CNTN5: variants seen among roughly 807,000 people sequenced by gnomAD.
CNTN5 encodes contactin 5, also known as contactin-5.
CNTN5 carries 77 observed loss-of-function variants against 129.1 expected under a neutral mutation model. The observed-to-expected ratio is 0.60, with a 90% CI of 0.50 to 0.72. The LOEUF is 0.72. Among genes scored for constraint, CNTN5 ranks in the 30% least tolerant of loss-of-function variants. The pLI is 0.00. For missense variants in CNTN5, 1,478 were observed against 1,328.8 expected (o/e 1.11, Z -1.75); for synonymous variants, 509 against 465.6 (o/e 1.09, Z -1.20).
At chr11:99,834,027 C>A (rs928524784) in intron 4 of CNTN5, among the ~76,000 whole-genome samples, 1 of 152,178 alleles carries the variant, frequency 6.6e-6, no homozygotes, top group Admixed American at 6.5e-5. Flanking sequence ...AGTGAAAATT[C>A]TCTTCATAGT....
intron 2 of CNTN5, among the ~76,000 whole-genome samples, chr11:99,407,980 C>A (rs534979014): frequency 6.6e-6 from 1 of 152,128 alleles, no homozygotes; most frequent in African/African-American, 2.4e-5. Context: ...GTTTTTTCTA[C>A]CTGTTCAGTG....
chr11:99,992,733 T>C (rs900364916), intron 8 of CNTN5, among the ~76,000 whole-genome samples: 2 of 152,176 alleles, frequency 1.3e-5, no homozygotes, highest in African/African-American at 2.4e-5. Context: ...TAGGGAAAAG[T>C]ATCCTAGCTC....
intron 1 of CNTN5, among the ~76,000 whole-genome samples, chr11:99,203,677 C>T (rs897383798): frequency 3.3e-5 from 5 of 151,896 alleles, no homozygotes; most frequent in Admixed American, 3.3e-4. Flanking sequence ...GCAACCTCTG[C>T]CTTCTGGTTC....
chr11:100,087,080 C>T (rs1264801707), intron 13 of CNTN5, among the ~76,000 whole-genome samples: 1 of 151,486 alleles, frequency 6.6e-6, no homozygotes, highest in Non-Finnish European at 1.5e-5. Flanking sequence ...AATATTGATA[C>T]TTTCAGAGGA....
At chr11:99,700,847 G>A (rs147615758) in intron 3 of CNTN5, among the ~76,000 whole-genome samples, 1 of 151,126 alleles carries the variant, frequency 6.6e-6, no homozygotes, top group Non-Finnish European at 1.5e-5. Context: ...GGAGGATAAG[G>A]CTTCAATAAG....
At chr11:100,197,496 C>T (rs984624298) in intron 15 of CNTN5, among the ~76,000 whole-genome samples, 1 of 151,810 alleles carries the variant, frequency 6.6e-6, no homozygotes, top group Non-Finnish European at 1.5e-5. Flanking sequence ...ATCCTGTAAC[C>T]AAATAAAAGC....
intron 2 of CNTN5, among the ~76,000 whole-genome samples, chr11:99,533,580 GC>G: frequency 6.6e-6 from 1 of 152,340 alleles, no homozygotes; most frequent in South Asian, 2.1e-4. Context: ...GAAGGCTGGT[GC>G]CTGTCAGCTG....
chr11:99,656,434 G>A (rs1293441591), intron 3 of CNTN5, among the ~76,000 whole-genome samples: 2 of 152,084 alleles, frequency 1.3e-5, no homozygotes, highest in Non-Finnish European at 2.9e-5. Flanking sequence ...TCATAGAAAT[G>A]ATGATGCAAA....
chr11:100,054,995 A>G (rs963363968), intron 9 of CNTN5, among the ~76,000 whole-genome samples: 2 of 146,164 alleles, frequency 1.4e-5, no homozygotes, highest in Non-Finnish European at 3.0e-5. Context: ...ATTCTTCTAT[A>G]CTTGATTGCC....
At chr11:100,169,526 G>A (rs1289486127) in intron 13 of CNTN5, among the ~76,000 whole-genome samples, 2 of 151,932 alleles carry the variant, frequency 1.3e-5, no homozygotes, top group African/African-American at 4.8e-5. Context: ...ATTAGAACTG[G>A]CTGAAGGCTC....
intron 3 of CNTN5, among the ~76,000 whole-genome samples, chr11:99,730,137 C>G (rs1296560775): frequency 6.6e-6 from 1 of 152,144 alleles, no homozygotes; most frequent in East Asian, 1.9e-4. Flanking sequence ...TACCTGCCAT[C>G]CAGTACTTAC....
intron 9 of CNTN5, among the ~76,000 whole-genome samples, chr11:100,048,567 A>C (rs1356057997): frequency 6.6e-6 from 1 of 152,172 alleles, no homozygotes; most frequent in African/African-American, 2.4e-5. Context: ...GAATAAAAAA[A>C]GTGAAAAAAT....
At chr11:100,047,306 G>T (rs920120114) in intron 9 of CNTN5, among the ~76,000 whole-genome samples, 4 of 151,982 alleles carry the variant, frequency 2.6e-5, no homozygotes, top group Admixed American at 6.6e-5. Flanking sequence ...GGTCACAGGG[G>T]TAGGGTTAAT....
intron 1 of CNTN5, among the ~76,000 whole-genome samples, chr11:99,246,683 C>T (rs1475669774): frequency 1.3e-5 from 2 of 152,014 alleles, no homozygotes; most frequent in Non-Finnish European, 2.9e-5. Flanking sequence ...TGAGGCTTAG[C>T]ATAGAAATGC....
At chr11:99,931,902 C>G (rs1391516722) in intron 7 of CNTN5, among the ~76,000 whole-genome samples, 1 of 152,144 alleles carries the variant, frequency 6.6e-6, no homozygotes, top group Non-Finnish European at 1.5e-5. Context: ...CTAAGCTAGT[C>G]CTCCCTATCT....
Position 99,050,195 on chromosome 11 carries a change from CT to C in CNTN5, c.-210+28926del, listed in dbSNP as rs538939687. 2.3e-3 allele frequency among the ~76,000 whole-genome samples: 353 copies of C among 152,028 alleles called. 1 individual carries two copies. Among genetic ancestry groups the C allele is most frequent in the African/African-American group, 7.9e-3 (327 of 41,500 alleles). On this transcript the variant is annotated intron_variant, in intron 1 of 24. Transcript: ENST00000524871. Reference sequence around the variant, plus strand: ...AATTACTGCCAAACAAAACATCTTCCTGATGAAATGTATTGACTGACACTTC... The same window carrying C: ...AATTACTGCCAAACAAAACATCTTCCGATGAAATGTATTGACTGACACTTC...
intron 2 of CNTN5, among the ~76,000 whole-genome samples, chr11:99,502,661 C>T (rs1946469502): frequency 6.6e-6 from 1 of 152,140 alleles, no homozygotes; most frequent in Admixed American, 6.5e-5. Flanking sequence ...CAGTCTCAGG[C>T]AGTTTTTATA....
At chr11:99,699,941 A>G (rs1386629902) in intron 3 of CNTN5, among the ~76,000 whole-genome samples, 2 of 151,442 alleles carry the variant, frequency 1.3e-5, no homozygotes, top group East Asian at 1.9e-4. Context: ...CACTTTGCAA[A>G]CCCTAACACA....
intron 15 of CNTN5, among the ~76,000 whole-genome samples, chr11:100,207,387 T>C (rs1015649675): frequency 6.6e-6 from 1 of 152,126 alleles, no homozygotes; most frequent in Non-Finnish European, 1.5e-5. Context: ...AAATCAACTC[T>C]TTTTCTTTAT....
Sources: gnomAD v4.1 joint callset for allele counts (sites outside exome capture counted in the v4.1 genomes callset) on GRCh38, gnomAD v4.1.1 for gene constraint, MANE v1.5 for transcripts, NCBI Gene and HGNC (gene_info 2026-07-23, HGNC 2026-07-21) for gene names.